The following MUSK variants were observed in gnomAD, a reference collection of about 807,000 sequenced individuals.
MUSK encodes the protein muscle, skeletal receptor tyrosine-protein kinase.
Under a neutral mutation model 88.7 loss-of-function variants are expected in MUSK, and 55 were observed. The observed-to-expected ratio is 0.62, with a 90% CI of 0.50 to 0.78. MUSK has a LOEUF of 0.78. Ranked by LOEUF, MUSK falls within the 30% of genes least tolerant of loss-of-function variation. The pLI is 0.00. For missense variants in MUSK, 1,015 were observed against 1,074.3 expected (o/e 0.94, Z 0.77); for synonymous variants, 387 against 391.9 (o/e 0.99, Z 0.15).
intron 14 of MUSK, among the ~76,000 whole-genome samples, chr9:110,789,916 G>A (rs147130961): frequency 5.3e-5 from 8 of 152,308 alleles, no homozygotes; most frequent in Non-Finnish European, 1.0e-4. Context: ...CAAGGCTATT[G>A]CAGTACACAG....
intron 14 of MUSK, among the ~76,000 whole-genome samples, chr9:110,789,562 T>C (rs190685955): frequency 1.5e-3 from 230 of 152,296 alleles, no homozygotes; most frequent in African/African-American, 5.3e-3. Context: ...GCAGATCACC[T>C]GAGGTCAGGA....
intron 1 of MUSK, among the ~76,000 whole-genome samples, chr9:110,676,376 T>C (rs73536264): frequency 2.7e-5 from 2 of 73,380 alleles, no homozygotes; most frequent in Admixed American, 2.2e-4. Context: ...TATATGTGTG[T>C]GTATGTGTAT....
chr9:110,712,771 T>C (rs1379519510), intron 5 of MUSK, among the ~76,000 whole-genome samples: 1 of 152,178 alleles, frequency 6.6e-6, no homozygotes, highest in Non-Finnish European at 1.5e-5. Context: ...AATTCATCCA[T>C]TTGTGGAATG....
At chr9:110,798,300 T>C (rs2078041994) in intron 14 of MUSK, among the ~76,000 whole-genome samples, 1 of 152,228 alleles carries the variant, frequency 6.6e-6, no homozygotes, top group Non-Finnish European at 1.5e-5. Context: ...CATGTTCGTA[T>C]CTTAAAAATT....
intron 5 of MUSK, among the ~76,000 whole-genome samples, chr9:110,699,890 T>C (rs1034450928): frequency 7.9e-5 from 12 of 152,322 alleles, no homozygotes; most frequent in African/African-American, 2.6e-4. Flanking sequence ...AGTTTTGTCA[T>C]TGATAGCCTC....
intron 9 of MUSK, among the ~76,000 whole-genome samples, chr9:110,774,305 T>A (rs1171243815): frequency 6.6e-6 from 1 of 152,236 alleles, no homozygotes; most frequent in African/African-American, 2.4e-5. Context: ...TTGTGGTTTC[T>A]ATTTTCTGTA....
intron 6 of MUSK, among the ~76,000 whole-genome samples, chr9:110,739,992 G>C (rs536111866): frequency 1.3e-5 from 2 of 152,176 alleles, no homozygotes; most frequent in South Asian, 4.2e-4. Flanking sequence ...TCAAAGAAGT[G>C]TCCCAAATCG....
intron 5 of MUSK, among the ~76,000 whole-genome samples, chr9:110,705,513 A>G (rs1370268143): frequency 6.6e-6 from 1 of 152,176 alleles, no homozygotes; most frequent in Non-Finnish European, 1.5e-5. Context: ...CTTCTTTTCT[A>G]TGTATAGATG....
At chr9:110,777,475 TA>T (rs1446785507) in intron 11 of MUSK, among the ~76,000 whole-genome samples, 1 of 152,242 alleles carries the variant, frequency 6.6e-6, no homozygotes, top group East Asian at 1.9e-4. Flanking sequence ...CTAGTTGAAT[TA>T]CTCAGAGGTA....
At chr9:110,774,891 A>T (rs1252616270) in intron 9 of MUSK, among the ~76,000 whole-genome samples, 10 of 149,658 alleles carry the variant, frequency 6.7e-5, no homozygotes, top group Admixed American at 1.3e-4. Context: ...ACACACACAC[A>T]CTCTTACAAT....
chr9:110,702,685 G>A (rs2076546408), intron 5 of MUSK, among the ~76,000 whole-genome samples: 2 of 152,036 alleles, frequency 1.3e-5, no homozygotes, highest in Non-Finnish European at 2.9e-5. Context: ...GATGGCTTGA[G>A]CACTGGAGAC....
chr9:110,773,493 G>C (rs1375405565), intron 9 of MUSK, among the ~76,000 whole-genome samples: 1 of 152,076 alleles, frequency 6.6e-6, no homozygotes, highest in African/African-American at 2.4e-5. Context: ...ACTTGGAGGA[G>C]CTTATACTAT....
intron 5 of MUSK, among the ~76,000 whole-genome samples, chr9:110,697,737 A>G (rs1021776155): frequency 6.6e-6 from 1 of 152,256 alleles, no homozygotes; most frequent in African/African-American, 2.4e-5. Context: ...CTGTAACAGT[A>G]AAATAATAGA....
rs760483928 is a variant in MUSK, at chr9:110,695,405, C to G, written c.361C>G (p.Pro121Ala). 1 of 1,496,488 alleles carries G rather than the reference C, an allele frequency of 6.7e-7. No individual in the cohort carries two copies. Among genetic ancestry groups the G allele is most frequent in the Non-Finnish European group, 9.0e-7 (1 of 1,107,234 alleles). 92.7% of individuals were successfully genotyped at this position (1,496,488 alleles called of 1,614,324 possible). A position where few individuals can be genotyped will look rare whatever the true frequency, so the allele number is the denominator to read the frequency against. The change falls in exon 4 of 15, where the codon CCT (proline) becomes GCT (alanine). Residue 121 changes from proline (P) to alanine (A), a missense_variant and splice_region_variant. Coordinates refer to ENST00000374448, the MANE Select transcript of MUSK (RefSeq NM_005592.4). ...SCGALQVKMK[P>A]KITRPPINVK... The stretch of plus-strand genomic sequence containing the variant: ...TTTGAATTTTCATTTCTTTTTAGAA[C>G]CTAAAATAACTCGTCCTCCCATAAA...
At chr9:110,788,603 G>A (rs1394918968) in intron 14 of MUSK, among the ~76,000 whole-genome samples, 2 of 150,888 alleles carry the variant, frequency 1.3e-5, no homozygotes, top group African/African-American at 4.9e-5. Context: ...CTGCACCACA[G>A]CCTGGGTGAC....
chr9:110,682,843 T>G, intron 2 of MUSK, 43 bp downstream of exon 2: 2 of 1,437,280 alleles, frequency 1.4e-6, no homozygotes, highest in Non-Finnish European at 1.9e-6. Context: ...TTTGTGGGTA[T>G]ATAGTAGGTG....
At chr9:110,708,263 G>T (rs922202497) in intron 5 of MUSK, among the ~76,000 whole-genome samples, 9 of 152,090 alleles carry the variant, frequency 5.9e-5, no homozygotes, top group Admixed American at 4.6e-4. Flanking sequence ...TACAAAAGTG[G>T]AAGCAATCAT....
chr9:110,736,639 G>A (rs764740103), intron 6 of MUSK, among the ~76,000 whole-genome samples: 11 of 152,022 alleles, frequency 7.2e-5, no homozygotes, highest in Non-Finnish European at 1.2e-4. Context: ...GTCTGTTTCT[G>A]TTGTCTGTTT....
At chr9:110,734,627 A>T (rs1295307562) in intron 6 of MUSK, among the ~76,000 whole-genome samples, 1 of 152,124 alleles carries the variant, frequency 6.6e-6, no homozygotes, top group Non-Finnish European at 1.5e-5. Flanking sequence ...GTAAATGGGA[A>T]GTGGTAATAA....
Sources: allele counts gnomAD v4.1 joint callset (sites outside exome capture counted in the v4.1 genomes callset), GRCh38; gene constraint gnomAD v4.1.1; transcripts MANE v1.5; gene names NCBI Gene and HGNC (gene_info 2026-07-23, HGNC 2026-07-21).